FOXP2: variants seen among roughly 807,000 people sequenced by gnomAD.
The protein encoded by FOXP2 is forkhead box P2.
In FOXP2, 12 loss-of-function variants were observed where a neutral mutation model predicts 115.8. That is an observed-to-expected ratio of 0.10 (90% CI 0.07 to 0.17). FOXP2 has a LOEUF of 0.17. FOXP2 is among the 10% of genes least tolerant of loss of function. FOXP2 has a pLI of 1.00. For synonymous variants in FOXP2, 328 were observed against 297.7 expected (o/e 1.10, Z -1.05); for missense variants, 629 against 843.5 (o/e 0.75, Z 3.15).
chr7:114,140,512 T>G (rs1458237526), intron 1 of FOXP2, among the ~76,000 whole-genome samples: 1 of 151,954 alleles, frequency 6.6e-6, no homozygotes, highest in African/African-American at 2.4e-5. Context: ...ACCCAAGTGT[T>G]TCTTTGCAAA....
intron 2 of FOXP2, among the ~76,000 whole-genome samples, chr7:114,373,159 A>G (rs1352090396): frequency 2.0e-5 from 3 of 151,818 alleles, no homozygotes; most frequent in Non-Finnish European, 2.9e-5. Context: ...CGCCAGGCTA[A>G]TTTTTTTGTT....
At chr7:114,205,601 G>A (rs865870190) in intron 1 of FOXP2, among the ~76,000 whole-genome samples, 5 of 152,182 alleles carry the variant, frequency 3.3e-5, no homozygotes, top group African/African-American at 1.2e-4. Context: ...TCTCTGGGAA[G>A]CATATTATGA....
Position 114,641,734 on chromosome 7 carries a change from G to A in FOXP2, c.776-676G>A, listed in dbSNP as rs953242412. Among the ~76,000 whole-genome samples, 30 of 151,290 alleles carry A rather than the reference G, an allele frequency of 2.0e-4. 1 individual carries two copies. The highest frequency in any genetic ancestry group is 1.6e-3 in the Admixed American group (25 of 15,176). On this transcript the variant is annotated intron_variant, in intron 6 of 16. Transcript: ENST00000350908. ...AAAACAAACCTTAATACTAGCAATA[G>A]GTAAAAACTACTCTTAAAAGTTGAA... is the stretch of plus-strand genomic sequence containing the variant.
rs10607299 is a variant in FOXP2, at chr7:114,212,075, TAAATAAAATAAAATAAAATA to T, written c.-102+49018_-102+49037del. 1.5e-4 allele frequency among the ~76,000 whole-genome samples: 20 copies of T among 134,650 alleles called. 1 individual carries two copies. The highest frequency in any genetic ancestry group is 4.3e-4 in the African/African-American group (16 of 37,370). The allele number at this position is 134,650 out of a possible 152,430, so 88.3% of individuals were successfully genotyped here. On this transcript the variant is annotated intron_variant, in intron 1 of 17. Coordinates refer to the FOXP2 transcript ENST00000634411. Reference sequence around the variant, plus strand: ...CTGGAGCGAAACTCAGTTTCAAAAATAAATAAAATAAAATAAAATAAAATAAAATAAAATAAAATAAAATA... The same window carrying T: ...CTGGAGCGAAACTCAGTTTCAAAAATAAATAAAATAAAATAAAATAAAATA...
intron 1 of FOXP2, among the ~76,000 whole-genome samples, chr7:114,134,768 G>A (rs1330894054): frequency 2.0e-5 from 3 of 151,328 alleles, no homozygotes; most frequent in Non-Finnish European, 2.9e-5. Flanking sequence ...ACATCTCCTC[G>A]GGTGAGAGGT....
At chr7:114,607,081 G>T (rs1346137131) in intron 3 of FOXP2, among the ~76,000 whole-genome samples, 2 of 152,074 alleles carry the variant, frequency 1.3e-5, no homozygotes, top group Non-Finnish European at 2.9e-5. Flanking sequence ...GGAGAATAGG[G>T]ATTCTCCTTG....
At chr7:114,262,015 G>A (rs1027806509) in intron 1 of FOXP2, among the ~76,000 whole-genome samples, 38 of 152,192 alleles carry the variant, frequency 2.5e-4, no homozygotes, top group Non-Finnish European at 1.2e-4. Flanking sequence ...CCCGGATCAC[G>A]CCATTGTACT....
At chr7:114,608,288 G>T (rs1042752965) in intron 3 of FOXP2, among the ~76,000 whole-genome samples, 2 of 152,156 alleles carry the variant, frequency 1.3e-5, no homozygotes, top group Non-Finnish European at 2.9e-5. Flanking sequence ...GCTGTGTTGT[G>T]GTCTCACCTG....
chr7:114,463,217 A>T, intron 2 of FOXP2: 1 of 229,506 alleles, frequency 4.4e-6, no homozygotes, highest in Non-Finnish European at 9.2e-6. Context: ...TTATATATCC[A>T]CCTGTTAAAT....
intron 1 of FOXP2, among the ~76,000 whole-genome samples, chr7:114,245,153 C>A (rs1455526030): frequency 1.3e-5 from 2 of 151,884 alleles, no homozygotes; most frequent in Non-Finnish European, 2.9e-5. Flanking sequence ...CTTTTTTCTA[C>A]CCTCTTGGTC....
chr7:114,669,739 A>G (rs897360497), intron 16 of FOXP2: 1 of 152,084 alleles, frequency 6.6e-6, no homozygotes, highest in Admixed American at 6.6e-5. Context: ...AGATGAACGC[A>G]TACTGATACA....
intron 2 of FOXP2, among the ~76,000 whole-genome samples, chr7:114,322,887 G>A (rs1002259037): frequency 3.9e-5 from 6 of 152,050 alleles, no homozygotes; most frequent in Non-Finnish European, 7.4e-5. Flanking sequence ...GGAGATTTAG[G>A]TTTTGTATGG....
At chr7:114,352,301 T>C (rs1282004030) in intron 2 of FOXP2, among the ~76,000 whole-genome samples, 1 of 151,774 alleles carries the variant, frequency 6.6e-6, no homozygotes, top group African/African-American at 2.4e-5. Flanking sequence ...AGAAAAAGAA[T>C]GAAAGAAAGT....
At chr7:114,444,503 C>T (rs902194851) in intron 2 of FOXP2, among the ~76,000 whole-genome samples, 3 of 152,240 alleles carry the variant, frequency 2.0e-5, no homozygotes, top group Admixed American at 6.5e-5. Flanking sequence ...AGTAATACTT[C>T]GTCCTCAAGA....
intron 2 of FOXP2, among the ~76,000 whole-genome samples, chr7:114,454,943 G>A (rs1178343189): frequency 6.3e-5 from 9 of 141,742 alleles, no homozygotes; most frequent in Non-Finnish European, 9.2e-5. Flanking sequence ...TGGGTGCAGC[G>A]CACCAGCATG....
intron 2 of FOXP2, among the ~76,000 whole-genome samples, chr7:114,351,381 A>G (rs1252682402): frequency 1.3e-5 from 2 of 152,172 alleles, no homozygotes; most frequent in Non-Finnish European, 2.9e-5. Context: ...CCTGACAGTA[A>G]TGTATTAAAA....
chr7:114,482,835 A>T (rs953114431), intron 2 of FOXP2, among the ~76,000 whole-genome samples: 1 of 151,690 alleles, frequency 6.6e-6, no homozygotes, highest in South Asian at 2.1e-4. Context: ...CAATGGAGAC[A>T]TGGTTTTAAT....
chr7:114,607,036 T>A (rs1803368401), intron 3 of FOXP2, among the ~76,000 whole-genome samples: 1 of 152,170 alleles, frequency 6.6e-6, no homozygotes, highest in South Asian at 2.1e-4. Context: ...TTCTAACATC[T>A]GTGCCATATT....
At chr7:114,658,360 A>T in intron 11 of FOXP2, 93 bp downstream of exon 11, 1 of 1,263,062 alleles carries the variant, frequency 7.9e-7, no homozygotes, top group African/African-American at 1.5e-5. Context: ...GAGCACATGG[A>T]AACTCATGTC....
Sources: allele counts gnomAD v4.1 joint callset (sites outside exome capture counted in the v4.1 genomes callset), GRCh38; gene constraint gnomAD v4.1.1; transcripts MANE v1.5; gene names NCBI Gene and HGNC (gene_info 2026-07-23, HGNC 2026-07-21).